GPC5: variants seen among roughly 807,000 people sequenced by gnomAD.
GPC5 encodes the protein glypican 5, also known as glypican-5.
In GPC5, 47 loss-of-function variants were observed where a neutral mutation model predicts 53.9. The ratio of observed to expected loss-of-function variants is 0.87; its 90% CI spans 0.69 to 1.11. The LOEUF is 1.11. Ranked by LOEUF, GPC5 falls within the 50% of genes most tolerant of loss-of-function variation. GPC5 has a pLI of 0.00. For synonymous variants in GPC5, 286 were observed against 263.3 expected (o/e 1.09, Z -0.84); for missense variants, 748 against 713.1 (o/e 1.05, Z -0.56).
intron 7 of GPC5, among the ~76,000 whole-genome samples, chr13:92,647,653 A>G (rs1374146676): frequency 6.6e-6 from 1 of 152,164 alleles, no homozygotes; most frequent in Non-Finnish European, 1.5e-5. Flanking sequence ...GAGTTCAGAC[A>G]TTAACATAAA....
chr13:92,078,777 G>A (rs1267994149), intron 6 of GPC5, among the ~76,000 whole-genome samples: 2 of 152,166 alleles, frequency 1.3e-5, no homozygotes, highest in African/African-American at 4.8e-5. Context: ...ATAACGTGGG[G>A]AGGGGTTAGC....
intron 7 of GPC5, among the ~76,000 whole-genome samples, chr13:92,838,086 A>G (rs74821272): frequency 8.3e-6 from 1 of 119,988 alleles, no homozygotes; most frequent in Non-Finnish European, 1.7e-5. Flanking sequence ...CTCAAAAAAT[A>G]AAAAAAAAAA....
intron 7 of GPC5, among the ~76,000 whole-genome samples, chr13:92,472,668 T>C (rs1202704853): frequency 1.3e-5 from 2 of 152,132 alleles, no homozygotes; most frequent in Non-Finnish European, 2.9e-5. Flanking sequence ...TGTAGATGAA[T>C]ATCCAGAGTG....
At chr13:92,481,991 T>G (rs1177585995) in intron 7 of GPC5, among the ~76,000 whole-genome samples, 1 of 151,624 alleles carries the variant, frequency 6.6e-6, no homozygotes, top group African/African-American at 2.4e-5. Flanking sequence ...ATTAGCCGGG[T>G]GTCGGGGTGG....
intron 2 of GPC5, among the ~76,000 whole-genome samples, chr13:91,612,976 A>G (rs1233059983): frequency 6.6e-6 from 1 of 152,286 alleles, no homozygotes; most frequent in East Asian, 1.9e-4. Flanking sequence ...GGATTCATAC[A>G]ATCCTTCACT....
intron 7 of GPC5, among the ~76,000 whole-genome samples, chr13:92,513,578 T>C (rs1880658917): frequency 6.6e-6 from 1 of 151,864 alleles, no homozygotes; most frequent in Non-Finnish European, 1.5e-5. Flanking sequence ...TTTTCCTTTT[T>C]TCTTTCCTTT....
At chr13:92,497,367 C>G (rs1566616521) in intron 7 of GPC5, among the ~76,000 whole-genome samples, 1 of 152,008 alleles carries the variant, frequency 6.6e-6, no homozygotes, top group Non-Finnish European at 1.5e-5. Context: ...GGAGATCCTT[C>G]CCCCATTGCT....
intron 6 of GPC5, among the ~76,000 whole-genome samples, chr13:91,957,555 T>G (rs1045768782): frequency 2.0e-5 from 3 of 152,046 alleles, no homozygotes; most frequent in Admixed American, 6.6e-5. Flanking sequence ...ATTGTAAAAA[T>G]AGCAAGAGAA....
intron 2 of GPC5, among the ~76,000 whole-genome samples, chr13:91,524,082 C>T (rs1309631500): frequency 6.6e-6 from 1 of 151,962 alleles, no homozygotes; most frequent in African/African-American, 2.4e-5. Context: ...TAGAAACAAT[C>T]TTTGTAAAGT....
At chr13:92,297,255 G>C (rs977967309) in intron 7 of GPC5, among the ~76,000 whole-genome samples, 4 of 152,014 alleles carry the variant, frequency 2.6e-5, no homozygotes, top group African/African-American at 9.7e-5. Flanking sequence ...TAGCTGCTCT[G>C]GTGAGGACGT....
At chr13:91,405,861 C>G (rs887499255) in intron 1 of GPC5, among the ~76,000 whole-genome samples, 1 of 152,162 alleles carries the variant, frequency 6.6e-6, no homozygotes, top group African/African-American at 2.4e-5. Context: ...GCTTTGACCT[C>G]CCTAGGTTCA....
intron 2 of GPC5, among the ~76,000 whole-genome samples, chr13:91,600,139 T>G (rs964862629): frequency 6.6e-6 from 1 of 152,142 alleles, no homozygotes; most frequent in African/African-American, 2.4e-5. Flanking sequence ...GCCAGGCTGG[T>G]CTTGAACTCC....
chr13:92,298,146 G>A (rs1041277046), intron 7 of GPC5, among the ~76,000 whole-genome samples: 7 of 152,124 alleles, frequency 4.6e-5, no homozygotes, highest in Non-Finnish European at 7.4e-5. Context: ...CACACAATCC[G>A]AAGGGCCAGT....
At chr13:92,341,315 A>C (rs1438608539) in intron 7 of GPC5, among the ~76,000 whole-genome samples, 1 of 152,150 alleles carries the variant, frequency 6.6e-6, no homozygotes. Context: ...AGTTCCATCT[A>C]TACTGGGACT....
intron 7 of GPC5, among the ~76,000 whole-genome samples, chr13:92,366,445 G>A (rs978527360): frequency 1.3e-5 from 2 of 151,716 alleles, no homozygotes; most frequent in African/African-American, 2.4e-5. Flanking sequence ...ACATAACTTT[G>A]ATACAGGCAA....
chr13:91,962,699 T>C (rs112271230), intron 6 of GPC5, among the ~76,000 whole-genome samples: 2,957 of 152,158 alleles, frequency 0.019, 92 homozygotes, highest in African/African-American at 0.067. Flanking sequence ...AGACATATCA[T>C]ATTGTGAAAA....
chr13:92,082,091 A>G (rs1175342160), intron 6 of GPC5, among the ~76,000 whole-genome samples: 1 of 152,120 alleles, frequency 6.6e-6, no homozygotes, highest in Non-Finnish European at 1.5e-5. Context: ...AAATGAAGAT[A>G]GCATCATTTA....
intron 7 of GPC5, among the ~76,000 whole-genome samples, chr13:92,788,473 A>G (rs917758448): frequency 6.6e-6 from 1 of 152,202 alleles, no homozygotes; most frequent in African/African-American, 2.4e-5. Flanking sequence ...ATTAGAAATC[A>G]TCATAGAAAT....
At chr13:92,173,210 A>G (rs190120731) in intron 7 of GPC5, among the ~76,000 whole-genome samples, 1 of 152,000 alleles carries the variant, frequency 6.6e-6, no homozygotes, top group Admixed American at 6.5e-5. Context: ...TCAAAGTGGG[A>G]TTACCCACAT....
Sources: gnomAD v4.1 joint callset for allele counts (sites outside exome capture counted in the v4.1 genomes callset) on GRCh38, gnomAD v4.1.1 for gene constraint, MANE v1.5 for transcripts, NCBI Gene and HGNC (gene_info 2026-07-23, HGNC 2026-07-21) for gene names.